The following KDM2A variants were observed in gnomAD, a reference collection of about 807,000 sequenced individuals.
The protein encoded by KDM2A is lysine-specific demethylase 2A.
KDM2A carries 3 observed loss-of-function variants against 137.3 expected under a neutral mutation model. That is an observed-to-expected ratio of 0.02 (90% CI 0.01 to 0.06). KDM2A has a LOEUF of 0.06. Among genes scored for constraint, KDM2A ranks in the 10% least tolerant of loss-of-function variants. The pLI, the probability that KDM2A is intolerant of heterozygous loss-of-function variation, is 1.00. For missense variants in KDM2A, 738 were observed against 1,510.6 expected, an observed-to-expected ratio of 0.49 and a Z score of 8.48; for synonymous variants, 512 against 541.5, an observed-to-expected ratio of 0.95 and a Z score of 0.76.
chr11:67,145,988 GTTTTT>G (rs1217118907), intron 2 of KDM2A, among the ~76,000 whole-genome samples: 2 of 131,470 alleles, frequency 1.5e-5, no homozygotes, highest in Non-Finnish European at 3.3e-5. Context: ...TTTTTGTTTT[GTTTTT>G]TTTTGTTTTT....
chr11:67,155,495 G>T (rs1856491853), intron 2 of KDM2A, among the ~76,000 whole-genome samples: 1 of 152,038 alleles, frequency 6.6e-6, no homozygotes, highest in Non-Finnish European at 1.5e-5. Context: ...TTGGAGGCAA[G>T]GTCTTGCTGT....
intron 5 of KDM2A, among the ~76,000 whole-genome samples, chr11:67,183,180 A>G (rs1015311974): frequency 2.6e-5 from 4 of 152,224 alleles, no homozygotes; most frequent in African/African-American, 9.6e-5. Context: ...AGTCCCTGGA[A>G]TATAGTAGGT....
intron 2 of KDM2A, among the ~76,000 whole-genome samples, chr11:67,126,065 G>A (rs914780752): frequency 6.7e-6 from 1 of 150,230 alleles, no homozygotes; most frequent in African/African-American, 2.5e-5. Flanking sequence ...GACACAACAT[G>A]GAGAAACCCC....
At chr11:67,172,717 T>C (rs1282684872) in intron 2 of KDM2A, among the ~76,000 whole-genome samples, 1 of 152,030 alleles carries the variant, frequency 6.6e-6, no homozygotes, top group African/African-American at 2.4e-5. Flanking sequence ...TACTTGTTCC[T>C]TTCCAAACTT....
chr11:67,204,839 C>T (rs1290943862), intron 5 of KDM2A, among the ~76,000 whole-genome samples: 3 of 152,110 alleles, frequency 2.0e-5, no homozygotes, highest in African/African-American at 7.2e-5. Flanking sequence ...TGTATTAGTA[C>T]TTCATTCCTT....
At chr11:67,217,291 A>T (rs183465179) in intron 8 of KDM2A, among the ~76,000 whole-genome samples, 1 of 152,170 alleles carries the variant, frequency 6.6e-6, no homozygotes, top group Non-Finnish European at 1.5e-5. Context: ...TATGTCTCCA[A>T]ATCCAAAAGT....
At chr11:67,229,762 C>T (rs1413561444) in intron 11 of KDM2A, among the ~76,000 whole-genome samples, 1 of 151,456 alleles carries the variant, frequency 6.6e-6, no homozygotes, top group South Asian at 2.1e-4. Context: ...ACCAGGTACT[C>T]GGGAGGCTGT....
chr11:67,208,784 A>T (rs1489204762), intron 6 of KDM2A, among the ~76,000 whole-genome samples: 1 of 151,562 alleles, frequency 6.6e-6, no homozygotes, highest in Non-Finnish European at 1.5e-5. Flanking sequence ...AAAAAAAAAA[A>T]AAATTCACTC....
intron 13 of KDM2A, chr11:67,244,973 G>A (rs1347974078): frequency 1.1e-5 from 6 of 522,322 alleles, no homozygotes; most frequent in South Asian, 2.4e-5. Flanking sequence ...GTGACAAAGC[G>A]AGACTCTGTC....
chr11:67,201,499 G>A (rs985955482), intron 5 of KDM2A, among the ~76,000 whole-genome samples: 1 of 151,666 alleles, frequency 6.6e-6, no homozygotes, highest in Non-Finnish European at 1.5e-5. Context: ...GGCCCGGTGC[G>A]GTGGCTCACG....
At chr11:67,140,118 T>C (rs186585181) in intron 2 of KDM2A, among the ~76,000 whole-genome samples, 5 of 152,172 alleles carry the variant, frequency 3.3e-5, no homozygotes, top group Admixed American at 2.0e-4. Flanking sequence ...CCCAACACTT[T>C]GGGAGGCTAA....
chr11:67,154,598 A>AT, intron 2 of KDM2A, among the ~76,000 whole-genome samples: 1 of 150,446 alleles, frequency 6.6e-6, no homozygotes, highest in African/African-American at 2.4e-5. Context: ...CACCTGGCTA[A>AT]TTTTTTCTTT....
rs1450535891 is a variant in KDM2A at position 67,121,271 on chromosome 11, GC to G, written c.-43del. 1 of 1,537,808 alleles carries G rather than the reference GC, an allele frequency of 6.5e-7. No homozygotes were observed. Among genetic ancestry groups the G allele is most frequent in the East Asian group, 2.2e-5 (1 of 44,524 alleles). On this transcript the variant is annotated 5_prime_UTR_variant, in exon 2 of 21. Transcript: ENST00000529006. ...GTTCCTAAGGAGGAAGAGGAAGGCAGCCCTGGAGTGGTTTCTTTACAGTAAT... is the reference window on the plus strand; with the variant it reads ...GTTCCTAAGGAGGAAGAGGAAGGCAGCCTGGAGTGGTTTCTTTACAGTAAT...
intron 5 of KDM2A, among the ~76,000 whole-genome samples, chr11:67,189,434 C>T (rs140046013): frequency 7.1e-4 from 108 of 152,312 alleles, no homozygotes; most frequent in African/African-American, 2.4e-3. Context: ...GATTATAAAA[C>T]ACGGAATCAC....
intron 2 of KDM2A, among the ~76,000 whole-genome samples, chr11:67,171,498 A>C (rs1856882229): frequency 1.3e-5 from 2 of 152,082 alleles, no homozygotes; most frequent in African/African-American, 4.8e-5. Flanking sequence ...TGAGAGGTTA[A>C]ATGATTTATT....
intron 5 of KDM2A, among the ~76,000 whole-genome samples, chr11:67,192,084 A>G (rs1419210486): frequency 1.3e-5 from 2 of 152,230 alleles, no homozygotes; most frequent in Non-Finnish European, 2.9e-5. Flanking sequence ...CCACTTGTGT[A>G]CAACTTAGTA....
At chr11:67,217,915 G>A in intron 9 of KDM2A, 31 bp downstream of exon 9, 2 of 1,542,102 alleles carry the variant, frequency 1.3e-6, no homozygotes, top group South Asian at 2.5e-5. Flanking sequence ...GGGTTATTTA[G>A]CCATTTTTTT....
At chr11:67,228,198 C>T (rs372847571) in intron 11 of KDM2A, 35 bp downstream of exon 11, 44 of 1,604,572 alleles carry the variant, frequency 2.7e-5, no homozygotes, top group Middle Eastern at 3.3e-4. Flanking sequence ...TTGAAGACAC[C>T]GCTTAGGTCT....
intron 13 of KDM2A, 185 bp from the exon 14 acceptor site, chr11:67,245,000 AAAGC>A: frequency 3.3e-6 from 2 of 602,112 alleles, no homozygotes; most frequent in Non-Finnish European, 5.7e-6. Context: ...AAAAAAAAAA[AAAGC>A]AGCCATTGAT....
Sources: gnomAD v4.1 joint callset for allele counts (sites outside exome capture counted in the v4.1 genomes callset) on GRCh38, gnomAD v4.1.1 for gene constraint, MANE v1.5 for transcripts, NCBI Gene and HGNC (gene_info 2026-07-23, HGNC 2026-07-21) for gene names.